HEATR5B: variants seen among roughly 807,000 people sequenced by gnomAD.
HEATR5B encodes the protein HEAT repeat-containing protein 5B.
Under a neutral mutation model 224.1 loss-of-function variants are expected in HEATR5B, and 156 were observed. The ratio of observed to expected loss-of-function variants is 0.70; its 90% confidence interval spans 0.61 to 0.80. The LOEUF is 0.80. Ranked by LOEUF, HEATR5B falls within the 30% of genes least tolerant of loss-of-function variation. HEATR5B has a pLI of 0.00. For missense variants in HEATR5B, 2,323 were observed against 2,535.5 expected, an observed-to-expected ratio of 0.92 and a Z score of 1.80; for synonymous variants, 1,027 against 893.0, an observed-to-expected ratio of 1.15 and a Z score of -2.68.
chr2:36,988,892 G>A, intron 34 of HEATR5B, 33 bp from the exon 35 acceptor site: 3 of 1,485,512 alleles, frequency 2.0e-6, no homozygotes, highest in Non-Finnish European at 2.8e-6. Flanking sequence ...CAATTAACAT[G>A]TGTATAGTTC....
At chr2:37,040,811 A>C (rs926212048) in intron 19 of HEATR5B, among the ~76,000 whole-genome samples, 5 of 152,108 alleles carry the variant, frequency 3.3e-5, no homozygotes, top group Admixed American at 1.3e-4. Flanking sequence ...AGGAAGAGAG[A>C]GAAGGATGGT....
chr2:37,000,164 A>G (rs1304239831), intron 33 of HEATR5B, among the ~76,000 whole-genome samples: 1 of 151,436 alleles, frequency 6.6e-6, no homozygotes, highest in Admixed American at 6.6e-5. Context: ...CGCAACCTCC[A>G]CCTCCCGGGT....
intron 2 of HEATR5B, among the ~76,000 whole-genome samples, chr2:37,082,052 C>CTTTTTTTTTTTTTTT (rs61036576): frequency 4.2e-5 from 1 of 23,944 alleles, no homozygotes; most frequent in Non-Finnish European, 7.3e-5. Flanking sequence ...GAAGTATCTA[C>CTTTTTTTTTTTTTTT]TTTTTTTTTT....
chr2:37,030,571 CA>C (rs1388067896), intron 22 of HEATR5B, among the ~76,000 whole-genome samples: 2 of 151,988 alleles, frequency 1.3e-5, no homozygotes, highest in Admixed American at 6.6e-5. Context: ...GACATAGTGC[CA>C]AAAAACCCTC....
At position 37,070,405 on chromosome 2, in the gene HEATR5B, T is replaced by A. The variant is rs750955507; in HGVS notation, c.770-18A>T. The A allele has an allele frequency of 6.2e-7, 1 of 1,604,894 alleles. No homozygotes were observed. The highest frequency in any genetic ancestry group is 8.5e-7 in the Non-Finnish European group (1 of 1,172,998). On this transcript the variant is annotated intron_variant, in intron 6 of 35. Coordinates refer to ENST00000233099, the MANE Select transcript of HEATR5B (RefSeq NM_019024.3). ...ACGCATTACTTTCAAGAAGAAAAAT[T>A]AAAGTATAAGCAAATATATTTCTGA...
intron 16 of HEATR5B, among the ~76,000 whole-genome samples, chr2:37,053,923 A>C (rs184906862): frequency 1.1e-4 from 16 of 151,974 alleles, no homozygotes; most frequent in African/African-American, 3.9e-4. Flanking sequence ...TCTTGCAAAG[A>C]TAACAATCAT....
rs75394788 is a variant in HEATR5B at position 37,037,819 on chromosome 2, C to T, written c.3216+36G>A. On this transcript the variant is annotated intron_variant, in intron 21 of 35. Coordinates refer to ENST00000233099, the MANE Select transcript of HEATR5B (RefSeq NM_019024.3). ...TTTTTAAATGTAAAATAAAATACAA[C>T]TTAAAAATCAATGAATGAAATAGCT... 3.0e-3 allele frequency: 4,147 copies of T among 1,399,494 alleles called. 139 individuals are homozygous for T. In the East Asian group the frequency reaches 0.072, roughly 24 times the overall value. 86.7% of individuals were successfully genotyped at this position (1,399,494 alleles called of 1,614,324 possible).
intron 26 of HEATR5B, among the ~76,000 whole-genome samples, chr2:37,014,910 G>C (rs954858886): frequency 6.6e-6 from 1 of 152,014 alleles, no homozygotes; most frequent in African/African-American, 2.4e-5. Flanking sequence ...TAGGGAGCCA[G>C]AGGTTGCAGT....
chr2:37,050,883 C>A (rs942145350), intron 17 of HEATR5B, among the ~76,000 whole-genome samples: 1 of 151,236 alleles, frequency 6.6e-6, no homozygotes, highest in African/African-American at 2.4e-5. Context: ...ACTAAAAATA[C>A]AAAAAAAATT....
chr2:36,986,588 G>A (rs1291834791), intron 35 of HEATR5B, among the ~76,000 whole-genome samples: 1 of 152,234 alleles, frequency 6.6e-6, no homozygotes, highest in Middle Eastern at 3.4e-3. Context: ...GTTTGTAGGT[G>A]GAGAGCAATG....
At chr2:37,006,281 G>A (rs938043410) in intron 29 of HEATR5B, among the ~76,000 whole-genome samples, 1 of 152,098 alleles carries the variant, frequency 6.6e-6, no homozygotes, top group African/African-American at 2.4e-5. Flanking sequence ...ACCTTATTGT[G>A]TTCCTTTTCA....
intron 35 of HEATR5B, among the ~76,000 whole-genome samples, chr2:36,983,620 C>G (rs1665731024): frequency 6.7e-6 from 1 of 148,664 alleles, no homozygotes; most frequent in African/African-American, 2.5e-5. Flanking sequence ...CCCAGCTACT[C>G]TGGAGGCTGA....
intron 24 of HEATR5B, among the ~76,000 whole-genome samples, chr2:37,025,902 C>T (rs1668740480): frequency 6.6e-6 from 1 of 152,002 alleles, no homozygotes; most frequent in Non-Finnish European, 1.5e-5. Flanking sequence ...ATGTTGAATC[C>T]CTCTGCTTCT....
intron 33 of HEATR5B, among the ~76,000 whole-genome samples, chr2:37,000,069 T>G (rs1666989510): frequency 6.6e-6 from 1 of 151,096 alleles, no homozygotes; most frequent in Non-Finnish European, 1.5e-5. Flanking sequence ...CCAGTATATT[T>G]ATATATATAT....
chr2:37,022,290 T>C (rs1668512590), intron 24 of HEATR5B, among the ~76,000 whole-genome samples: 2 of 152,176 alleles, frequency 1.3e-5, no homozygotes, highest in African/African-American at 4.8e-5. Flanking sequence ...GCGATTCTCC[T>C]GCCTCAGCCT....
chr2:37,064,599 A>T, intron 10 of HEATR5B, 141 bp downstream of exon 10: 1 of 783,526 alleles, frequency 1.3e-6, no homozygotes, highest in Non-Finnish European at 2.1e-6. Context: ...GTCTGTTAAC[A>T]CCATAGTAAG....
chr2:37,036,412 T>G (rs1438211247), intron 21 of HEATR5B, among the ~76,000 whole-genome samples: 1 of 152,212 alleles, frequency 6.6e-6, no homozygotes, highest in Non-Finnish European at 1.5e-5. Flanking sequence ...GGGCCTTGCA[T>G]GTATTTTTCT....
At chr2:37,066,268 AT>A (rs1466262761) in intron 8 of HEATR5B, among the ~76,000 whole-genome samples, 2 of 152,192 alleles carry the variant, frequency 1.3e-5, no homozygotes, top group Admixed American at 1.3e-4. Flanking sequence ...ATTGAGCAAG[AT>A]GTTCAATTTT....
Position 36,985,824 on chromosome 2 carries a change from T to C in HEATR5B, c.5911+2822A>G, listed in dbSNP as rs75812386. Among the ~76,000 whole-genome samples the C allele has an allele frequency of 9.3e-3, 1,414 of 152,106 alleles. 27 individuals are homozygous for C. Among genetic ancestry groups the C allele is most frequent in the African/African-American group, 0.033 (1,354 of 41,488 alleles). On this transcript the variant is annotated intron_variant, in intron 35 of 35. Transcript: ENST00000233099. ...TGCTACAAATTGGTCTGGTTGATAG[T>C]TGAAATTACAATGCTTTGGTTGTTT...
Sources: allele counts gnomAD v4.1 joint callset (sites outside exome capture counted in the v4.1 genomes callset), GRCh38; gene constraint gnomAD v4.1.1; transcripts MANE v1.5; gene names NCBI Gene and HGNC (gene_info 2026-07-23, HGNC 2026-07-21).